URI1: variants seen among roughly 807,000 people sequenced by gnomAD.
URI1 encodes URI1 prefoldin like chaperone.
A neutral mutation model predicts 60.2 loss-of-function variants in URI1; 39 were observed. The observed-to-expected ratio is 0.65, with a 90% CI of 0.50 to 0.85. The LOEUF (loss-of-function observed/expected upper bound fraction) is 0.85, where lower values mean the gene tolerates loss of function less well. URI1 is among the 40% of genes least tolerant of loss of function. The pLI is 0.00. For missense variants in URI1, 691 were observed against 665.9 expected, an observed-to-expected ratio of 1.04 and a Z score of -0.42; for synonymous variants, 251 against 236.8, an observed-to-expected ratio of 1.06 and a Z score of -0.55.
intron 2 of URI1, among the ~76,000 whole-genome samples, chr19:29,981,065 T>A (rs1183391658): frequency 2.0e-5 from 3 of 151,942 alleles, no homozygotes; most frequent in Non-Finnish European, 4.4e-5. Flanking sequence ...AAGGTTGGAG[T>A]CTTTATCACT....
At chr19:29,981,838 T>C (rs1295189339) in intron 2 of URI1, among the ~76,000 whole-genome samples, 1 of 152,136 alleles carries the variant, frequency 6.6e-6, no homozygotes, top group Non-Finnish European at 1.5e-5. Context: ...ATGACTCCTG[T>C]GTCCAAAAAT....
rs1568406621 is a variant in URI1, at chr19:29,942,413, C to CGGGCGCGGCCTCCT, written c.-126_-113dup. The CGGGCGCGGCCTCCT allele has an allele frequency of 8.1e-6, 8 of 982,450 alleles. No individual in the cohort carries two copies. Among genetic ancestry groups the CGGGCGCGGCCTCCT allele is most frequent in the South Asian group, 9.0e-5 (2 of 22,136 alleles). 60.9% of individuals were successfully genotyped at this position (982,450 alleles called of 1,614,324 possible). A position where few individuals can be genotyped will look rare whatever the true frequency, so the allele number is the denominator to read the frequency against. On this transcript the variant is annotated 5_prime_UTR_variant, in exon 1 of 11. It introduces an in-frame stop codon into an upstream open reading frame of the 5' UTR. Transcript: ENST00000392271. Reference sequence around the variant, plus strand: ...CGGACGCGAACAGCAGCGGCGGCGGCGGGCGCGGCCTCCTGGGCGCGGGGC... The same window carrying CGGGCGCGGCCTCCT: ...CGGACGCGAACAGCAGCGGCGGCGGCGGGCGCGGCCTCCTGGGCGCGGCCTCCTGGGCGCGGGGC...
At chr19:29,927,561 T>G (rs1007366661) in intron 1 of URI1, among the ~76,000 whole-genome samples, 145 of 5,162 alleles carry the variant, frequency 0.028, 1 homozygote, top group African/African-American at 0.054. Flanking sequence ...TGCACCCGGC[T>G]TTTTTTTTTT....
chr19:29,974,585 AT>A (rs909419656), intron 2 of URI1, among the ~76,000 whole-genome samples: 1 of 151,098 alleles, frequency 6.6e-6, no homozygotes, highest in African/African-American at 2.4e-5. Flanking sequence ...CCTACCTCCA[AT>A]TTTTTTTTAA....
chr19:29,945,423 C>T (rs1242629489), intron 1 of URI1, among the ~76,000 whole-genome samples: 1 of 151,982 alleles, frequency 6.6e-6, no homozygotes, highest in Non-Finnish European at 1.5e-5. Context: ...ATAAAAAGGA[C>T]AAAAAATTGG....
chr19:29,995,048 C>T (rs2055794430), intron 4 of URI1, among the ~76,000 whole-genome samples: 1 of 152,114 alleles, frequency 6.6e-6, no homozygotes, highest in Admixed American at 6.5e-5. Context: ...TCCCAAAGTG[C>T]TGGGATTACA....
intron 1 of URI1, among the ~76,000 whole-genome samples, chr19:29,950,809 T>A (rs2055170684): frequency 6.6e-6 from 1 of 152,252 alleles, no homozygotes; most frequent in Non-Finnish European, 1.5e-5. Flanking sequence ...CATTTGACTC[T>A]CTTAGCTCCT....
chr19:29,977,625 T>A (rs1177669300), intron 2 of URI1, among the ~76,000 whole-genome samples: 3 of 151,488 alleles, frequency 2.0e-5, no homozygotes, highest in African/African-American at 7.3e-5. Context: ...AAATTTTGCA[T>A]GTTTTTGTTG....
At chr19:30,012,854 T>G in intron 10 of URI1, 1 of 226,016 alleles carries the variant, frequency 4.4e-6, no homozygotes, top group South Asian at 6.8e-5. Context: ...TAGGTCATTT[T>G]CTGATAGTGT....
intron 3 of URI1, among the ~76,000 whole-genome samples, chr19:29,985,557 T>G (rs1006259170): frequency 6.6e-6 from 1 of 152,198 alleles, no homozygotes; most frequent in Non-Finnish European, 1.5e-5. Flanking sequence ...AAATGGAAAC[T>G]TACTATATAA....
At chr19:29,956,799 T>C (rs1054917007) in intron 1 of URI1, 9 of 1,600,516 alleles carry the variant, frequency 5.6e-6, no homozygotes, top group African/African-American at 1.3e-5. Flanking sequence ...AGTTCCTTTC[T>C]GTTACCCGAC....
At chr19:29,952,760 T>A (rs2055195290) in intron 1 of URI1, among the ~76,000 whole-genome samples, 1 of 152,240 alleles carries the variant, frequency 6.6e-6, no homozygotes, top group East Asian at 1.9e-4. Flanking sequence ...TGTATACTTT[T>A]CAGTGACATT....
chr19:29,926,875 G>T (rs146254170), intron 1 of URI1, among the ~76,000 whole-genome samples: 73 of 152,284 alleles, frequency 4.8e-4, no homozygotes, highest in African/African-American at 1.6e-3. Flanking sequence ...AAGGGATGAC[G>T]TGCCTGTCTG....
chr19:29,980,529 C>A (rs162919), intron 2 of URI1, among the ~76,000 whole-genome samples: 2,031 of 146,002 alleles, frequency 0.014, 67 homozygotes, highest in African/African-American at 0.049. Flanking sequence ...CCTCTTTCCC[C>A]GTTAGGCATC....
chr19:29,942,434 G>GGGGCGCGCGGTGCCTGAGGGC lies in URI1; in HGVS notation c.-103_-83dup, dbSNP rs1277136022. 1.0e-5 allele frequency: 10 copies of GGGGCGCGCGGTGCCTGAGGGC among 986,202 alleles called. No homozygotes were observed. In the South Asian group the frequency reaches 2.3e-4, roughly 22 times the overall value. The allele number at this position is 986,202 out of a possible 1,614,324, so 61.1% of individuals were successfully genotyped here. Reference sequence around the variant, plus strand: ...GCGGCGGGCGCGGCCTCCTGGGCGCGGGGCGCGCGGTGCCTGAGGGCGGGC... The same window carrying GGGGCGCGCGGTGCCTGAGGGC: ...GCGGCGGGCGCGGCCTCCTGGGCGCGGGGCGCGCGGTGCCTGAGGGCGGGCGCGCGGTGCCTGAGGGCGGGC... On this transcript the variant is annotated 5_prime_UTR_variant, in exon 1 of 11. Coordinates refer to ENST00000392271, the MANE Select transcript of URI1 (RefSeq NM_003796.3).
chr19:29,976,433 C>G (rs936279373), intron 2 of URI1, among the ~76,000 whole-genome samples: 1 of 152,142 alleles, frequency 6.6e-6, no homozygotes, highest in Non-Finnish European at 1.5e-5. Context: ...GCCTCTGCCT[C>G]CATGTGCTCT....
At chr19:29,982,150 A>G (rs530817973) in intron 2 of URI1, among the ~76,000 whole-genome samples, 4 of 152,206 alleles carry the variant, frequency 2.6e-5, no homozygotes, top group Non-Finnish European at 5.9e-5. Flanking sequence ...GCCTCCCTTC[A>G]TAAAGGATTT....
chr19:29,953,192 AAC>A (rs775790888), intron 1 of URI1, among the ~76,000 whole-genome samples: 2 of 152,208 alleles, frequency 1.3e-5, no homozygotes, highest in Non-Finnish European at 2.9e-5. Context: ...GGTAGCCATT[AAC>A]CACATGTGGC....
At chr19:30,004,171 G>A (rs1023347510) in intron 4 of URI1, 1 of 152,048 alleles carries the variant, frequency 6.6e-6, no homozygotes, top group Admixed American at 6.6e-5. Context: ...GATCTAGAGC[G>A]ACATCAGGGC....
Sources: allele counts gnomAD v4.1 joint callset (sites outside exome capture counted in the v4.1 genomes callset), GRCh38; gene constraint gnomAD v4.1.1; transcripts MANE v1.5; gene names NCBI Gene and HGNC (gene_info 2026-07-23, HGNC 2026-07-21).